Variants in ZC3H12B observed in about 807,000 individuals in gnomAD.
The protein encoded by ZC3H12B is probable ribonuclease ZC3H12B.
In ZC3H12B, 7 loss-of-function variants were observed where a neutral mutation model predicts 43.9. That is an observed-to-expected ratio of 0.16 (90% confidence interval 0.09 to 0.30). ZC3H12B has a LOEUF of 0.30. Ranked by LOEUF, ZC3H12B falls within the 10% of genes least tolerant of loss-of-function variation. The probability of loss-of-function intolerance (pLI) is 1.00; values close to 1 mark genes in which losing one functional copy is unlikely to be tolerated. For synonymous variants in ZC3H12B, 222 were observed against 241.7 expected (o/e 0.92, Z 0.76); for missense variants, 475 against 670.2 (o/e 0.71, Z 3.22).
At chrX:65,138,375 C>T in the ZC3H12B span, among the ~76,000 whole-genome samples, 1 of 111,135 alleles carries the variant, frequency 9.0e-6, no homozygotes, top group Non-Finnish European at 1.9e-5. Flanking sequence ...ACATTGTGTC[C>T]TCCAGGTTCA....
chrX:65,489,620 C>A (rs1291066999), intron 1 of ZC3H12B, among the ~76,000 whole-genome samples: 1 of 111,988 alleles, frequency 8.9e-6, no homozygotes, highest in East Asian at 2.8e-4. Context: ...CTAAAGGCAG[C>A]TTCGACATCA....
the ZC3H12B span, among the ~76,000 whole-genome samples, chrX:65,117,058 C>A: frequency 9.0e-6 from 1 of 111,701 alleles, no homozygotes; most frequent in African/African-American, 3.3e-5. Context: ...GATTTGGAAT[C>A]CTTTGGGTAT....
At chrX:65,147,040 C>T in the ZC3H12B span, among the ~76,000 whole-genome samples, 3 of 111,973 alleles carry the variant, frequency 2.7e-5, no homozygotes, top group Non-Finnish European at 5.6e-5. Flanking sequence ...CCACAATGAT[C>T]CCTCCTTTCA....
At chrX:65,090,414 A>AT in the ZC3H12B span, among the ~76,000 whole-genome samples, 2 of 111,782 alleles carry the variant, frequency 1.8e-5, no homozygotes, top group South Asian at 3.7e-4. Flanking sequence ...TAGATGTAGG[A>AT]TTTTTTTTGT....
chrX:65,238,085 CCCT>C, the ZC3H12B span, among the ~76,000 whole-genome samples: 1 of 110,915 alleles, frequency 9.0e-6, no homozygotes, highest in Non-Finnish European at 1.9e-5. Flanking sequence ...GAGGAAGAGT[CCCT>C]CCTCAATTTT....
chrX:65,391,501 G>A (rs777300686), intron 2 of ZC3H12B, among the ~76,000 whole-genome samples: 4 of 111,094 alleles, frequency 3.6e-5, no homozygotes, highest in Admixed American at 9.6e-5. Context: ...GATAATTCAT[G>A]CAATGATGTC....
At chrX:65,199,761 G>A in the ZC3H12B span, among the ~76,000 whole-genome samples, 5 of 103,038 alleles carry the variant, frequency 4.9e-5, no homozygotes, top group Admixed American at 1.0e-4. Flanking sequence ...CCATGTCTCC[G>A]CAAAAACATG....
At chrX:65,438,213 G>T (rs1259598717) in intron 3 of ZC3H12B, among the ~76,000 whole-genome samples, 3 of 110,750 alleles carry the variant, frequency 2.7e-5, no homozygotes, top group African/African-American at 1.0e-4. Flanking sequence ...TGGGTCCTTT[G>T]TGTCTCCATA....
At chrX:65,075,040 G>C in the ZC3H12B span, among the ~76,000 whole-genome samples, 1 of 111,718 alleles carries the variant, frequency 9.0e-6, no homozygotes, top group Admixed American at 9.5e-5. Flanking sequence ...ATGCATTTAA[G>C]AAAATGACCA....
At chrX:65,234,271 C>G in the ZC3H12B span, among the ~76,000 whole-genome samples, 1 of 111,824 alleles carries the variant, frequency 8.9e-6, no homozygotes, top group Non-Finnish European at 1.9e-5. Flanking sequence ...ATGGTCATTC[C>G]AATATATGCC....
intron 3 of ZC3H12B, among the ~76,000 whole-genome samples, chrX:65,480,621 C>T (rs368688409): frequency 9.0e-6 from 1 of 111,554 alleles, no homozygotes; most frequent in African/African-American, 3.3e-5. Context: ...CTGAGGGGGG[C>T]GGATCACCTG....
the ZC3H12B span, among the ~76,000 whole-genome samples, chrX:65,339,290 C>A: frequency 9.0e-6 from 1 of 111,509 alleles, no homozygotes; most frequent in African/African-American, 3.3e-5. Context: ...AAGCTGAGAA[C>A]ACTGCATGGG....
the ZC3H12B span, among the ~76,000 whole-genome samples, chrX:65,210,816 A>G: frequency 5.8e-3 from 190 of 32,866 alleles, no homozygotes; most frequent in Middle Eastern, 8.4e-3. Context: ...AACTATCGCA[A>G]GAACAAAAAA....
chrX:65,320,995 T>A, the ZC3H12B span, among the ~76,000 whole-genome samples: 1 of 111,906 alleles, frequency 8.9e-6, no homozygotes, highest in Non-Finnish European at 1.9e-5. Flanking sequence ...CTGGTAAAAA[T>A]TTTATGACAA....
the ZC3H12B span, among the ~76,000 whole-genome samples, chrX:65,225,023 G>A: frequency 9.0e-6 from 1 of 111,671 alleles, no homozygotes; most frequent in African/African-American, 3.3e-5. Flanking sequence ...AGACAGCAGT[G>A]GTTCTCCCAT....
At chrX:65,288,189 G>A in the ZC3H12B span, among the ~76,000 whole-genome samples, 3 of 110,533 alleles carry the variant, frequency 2.7e-5, no homozygotes, top group Admixed American at 9.7e-5. Context: ...ACAAAGAAAA[G>A]CCAAGTACCA....
At chrX:65,292,469 C>T in the ZC3H12B span, among the ~76,000 whole-genome samples, 8 of 110,428 alleles carry the variant, frequency 7.2e-5, no homozygotes, top group South Asian at 3.1e-3. Context: ...TACACTGGGG[C>T]TTACTGGAGG....
At chrX:65,340,003 C>T in the ZC3H12B span, among the ~76,000 whole-genome samples, 12 of 111,876 alleles carry the variant, frequency 1.1e-4, no homozygotes, top group African/African-American at 3.6e-4. Context: ...AACATACCAC[C>T]ATTGCAGTCA....
the ZC3H12B span, among the ~76,000 whole-genome samples, chrX:65,279,539 C>A: frequency 9.0e-6 from 1 of 110,589 alleles, no homozygotes; most frequent in African/African-American, 3.3e-5. Flanking sequence ...TAAGCTGGAC[C>A]CCATCCTTAA....
Sources: allele counts gnomAD v4.1 joint callset (sites outside exome capture counted in the v4.1 genomes callset), GRCh38; gene constraint gnomAD v4.1.1; transcripts MANE v1.5; gene names NCBI Gene and HGNC (gene_info 2026-07-23, HGNC 2026-07-21).